SH2D3C: variants seen among roughly 807,000 people sequenced by gnomAD.
SH2D3C encodes SH2 domain-containing protein 3C.
Under a neutral mutation model 75.2 loss-of-function variants are expected in SH2D3C, and 25 were observed. The ratio of observed to expected loss-of-function variants is 0.33; its 90% CI spans 0.24 to 0.46. The LOEUF (loss-of-function observed/expected upper bound fraction) is 0.46. Ranked by LOEUF, SH2D3C falls within the 20% of genes least tolerant of loss-of-function variation. The pLI is 1.00. For missense variants in SH2D3C, 933 were observed against 1,165.3 expected (o/e 0.80, Z 2.90); for synonymous variants, 450 against 473.7 (o/e 0.95, Z 0.65).
At position 127,754,981 on chromosome 9, in the gene SH2D3C, C is replaced by T; in HGVS notation, c.556-3681G>A. On this transcript the variant is annotated intron_variant, in intron 3 of 11. Transcript: ENST00000314830. The surrounding 1 kb of genome is among the most constrained non-coding windows in gnomAD (Gnocchi z 4.4). ...AGCCCAGCCCGACCCTGCCGGGCGC[C>T]GCTGAGCTGCAGCTCCCCGGCTGGC... 1.8e-6 allele frequency: 1 copy of T among 566,570 alleles called. No homozygotes were observed. Among genetic ancestry groups the T allele is most frequent in the Non-Finnish European group, 2.6e-6 (1 of 391,512 alleles). 35.1% of individuals were successfully genotyped at this position (566,570 alleles called of 1,614,324 possible).
At chr9:127,766,767 A>G in intron 2 of SH2D3C, 1 of 641,010 alleles carries the variant, frequency 1.6e-6, no homozygotes, top group South Asian at 2.0e-5. Flanking sequence ...ATGGGGTTTC[A>G]CCATGTTGGC....
intron 6 of SH2D3C, among the ~76,000 whole-genome samples, chr9:127,745,445 T>A (rs1339996710): frequency 6.8e-6 from 1 of 147,628 alleles, no homozygotes; most frequent in African/African-American, 2.5e-5. Flanking sequence ...GAATTAGCAA[T>A]AATGATTTCC....
At position 127,754,308 on chromosome 9, in the gene SH2D3C, C is replaced by T. The variant is rs1259349852; in HGVS notation, c.556-3008G>A. On this transcript the variant is annotated intron_variant, in intron 3 of 11. Transcript: ENST00000314830. The surrounding 1 kb of genome is among the most constrained non-coding windows in gnomAD (Gnocchi z 4.4). ...CCTGGGGGAGCGAAGAGCCGACGCG[C>T]CTGGCATCTCCCAGGGGGCTCAGGG... is the stretch of plus-strand genomic sequence containing the variant. Among the ~76,000 whole-genome samples the T allele has an allele frequency of 1.3e-5, 2 of 152,136 alleles. No individual in the cohort carries two copies. The highest frequency in any genetic ancestry group is 2.1e-4 in the South Asian group (1 of 4,834).
intron 2 of SH2D3C, among the ~76,000 whole-genome samples, chr9:127,770,513 C>G (rs1364786130): frequency 1.3e-5 from 2 of 152,102 alleles, no homozygotes; most frequent in Non-Finnish European, 2.9e-5. Context: ...AGGCTGCTCC[C>G]CTGACTCCAG....
Position 127,742,905 on chromosome 9 carries a change from G to A in SH2D3C, c.1860C>T (p.Gly620=), listed in dbSNP as rs746408761. Residue 620 remains glycine, a synonymous_variant, in exon 8 of 12, where the codon GGC becomes GGT. Transcript: ENST00000314830. ...EMQTLMGVRW[G]MELLTLPHGR... is the part of the protein sequence containing the mutation. ...CATGGGGGAGGGTGAGCAGTTCCATGCCCCAGCGGACTCCCATTAGGGTCT... is the reference window on the plus strand; with the variant it reads ...CATGGGGGAGGGTGAGCAGTTCCATACCCCAGCGGACTCCCATTAGGGTCT... 3 of 1,614,042 alleles carry A rather than the reference G, an allele frequency of 1.9e-6. No individual in the cohort carries two copies. The highest frequency in any genetic ancestry group is 2.5e-6 in the Non-Finnish European group (3 of 1,179,966).
intron 3 of SH2D3C, among the ~76,000 whole-genome samples, chr9:127,757,712 G>A (rs559856525): frequency 1.5e-4 from 23 of 150,666 alleles, no homozygotes; most frequent in Admixed American, 4.0e-4. Context: ...GGAGTGCAGC[G>A]GCAAGATCTC....
At chr9:127,767,879 A>T (rs1349236235) in intron 2 of SH2D3C, among the ~76,000 whole-genome samples, 1 of 152,222 alleles carries the variant, frequency 6.6e-6, no homozygotes, top group East Asian at 1.9e-4. Context: ...CCTCTGAGCT[A>T]CTGCTGTACC....
At chr9:127,764,746 C>T (rs1473890456) in intron 2 of SH2D3C, among the ~76,000 whole-genome samples, 7 of 152,144 alleles carry the variant, frequency 4.6e-5, no homozygotes, top group Non-Finnish European at 7.3e-5. Flanking sequence ...CTCGCTCCAT[C>T]GCCCAGGCTG....
intron 3 of SH2D3C, chr9:127,755,141 G>A: frequency 1.6e-6 from 2 of 1,220,152 alleles, no homozygotes; most frequent in Non-Finnish European, 2.0e-6. Flanking sequence ...GCACTCCACA[G>A]GCTGCACCGC....
rs1263057411 is a variant in SH2D3C, at chr9:127,739,851, C to T, written c.2238G>A (p.Val746=). Residue 746 remains valine (V), a synonymous_variant, in exon 11 of 12, where the codon GTG becomes GTA. Transcript: ENST00000314830. The surrounding 1 kb of genome is among the most constrained non-coding windows in gnomAD (Gnocchi z 4.3). Reference sequence around the variant, plus strand: ...ACTCCAGCAGGGTGATGAGGGGCAGCACATGAGGAAACGTGGTGTTGCTCA... The same window carrying T: ...ACTCCAGCAGGGTGATGAGGGGCAGTACATGAGGAAACGTGGTGTTGCTCA... ...PPLSNTTFPH[V]LPLITLLECD... The T allele has an allele frequency of 2.6e-6, 4 of 1,564,600 alleles. No homozygotes were observed. The Admixed American group carries it at 7.5e-5, about 29-fold the overall frequency.
intron 2 of SH2D3C, among the ~76,000 whole-genome samples, chr9:127,764,203 A>C (rs1241467312): frequency 6.6e-6 from 1 of 152,148 alleles, no homozygotes; most frequent in African/African-American, 2.4e-5. Flanking sequence ...GCCAGAGCCT[A>C]TAGGGGTGCT....
chr9:127,756,965 T>C (rs1845399234), intron 3 of SH2D3C, among the ~76,000 whole-genome samples: 1 of 152,080 alleles, frequency 6.6e-6, no homozygotes, highest in Non-Finnish European at 1.5e-5. Flanking sequence ...GTTTTGTTCT[T>C]GTTGCCCAGG....
Position 127,751,169 on chromosome 9 carries a change from C to T in SH2D3C, c.684+3G>A. The stretch of plus-strand genomic sequence containing the variant: ...GTTGAAGTCCAGCTCGGGGCCTACT[C>T]ACCTCTCGGGGGATGCGGCCATGGT... On this transcript the variant is annotated splice_donor_region_variant and intron_variant, in intron 4 of 11. Coordinates refer to ENST00000314830, the MANE Select transcript of SH2D3C (RefSeq NM_170600.3). This position sits in a 1 kb window ranked among gnomAD's most constrained non-coding sequence, Gnocchi z 4.1. 6.2e-7 allele frequency: 1 copy of T among 1,613,574 alleles called. No individual in the cohort carries two copies. The highest frequency in any genetic ancestry group is 8.5e-7 in the Non-Finnish European group (1 of 1,179,960).
chr9:127,766,320 C>A (rs1489322974), intron 2 of SH2D3C, among the ~76,000 whole-genome samples: 1 of 152,228 alleles, frequency 6.6e-6, no homozygotes, highest in African/African-American at 2.4e-5. Flanking sequence ...TTCAGCTTTT[C>A]CCCTGCCCCT....
At chr9:127,762,211 T>C (rs1845545307) in intron 2 of SH2D3C, 1 of 1,198,018 alleles carries the variant, frequency 8.3e-7, no homozygotes, top group African/African-American at 1.6e-5. Flanking sequence ...GGCTACAGAA[T>C]TGATTCTGCC....
intron 2 of SH2D3C, among the ~76,000 whole-genome samples, chr9:127,766,125 A>G (rs1475046562): frequency 6.6e-6 from 1 of 152,194 alleles, no homozygotes; most frequent in African/African-American, 2.4e-5. Flanking sequence ...ACGTTCCCCC[A>G]GGGGCCCTGT....
intron 4 of SH2D3C, among the ~76,000 whole-genome samples, chr9:127,750,565 G>A (rs4837179): frequency 0.11 from 16,033 of 152,142 alleles, 1,564 homozygotes; most frequent in African/African-American, 0.26. Flanking sequence ...TCTTCCACTA[G>A]GCTCTGACTG....
intron 3 of SH2D3C, among the ~76,000 whole-genome samples, chr9:127,760,380 C>T (rs1428367737): frequency 6.6e-6 from 1 of 152,030 alleles, no homozygotes; most frequent in African/African-American, 2.4e-5. Context: ...GGTGTAATCC[C>T]AGTTCTTCCT....
chr9:127,766,790 G>A, intron 2 of SH2D3C: 1 of 737,220 alleles, frequency 1.4e-6, no homozygotes, highest in South Asian at 1.9e-5. Context: ...GGCTGGTCTT[G>A]AACTCCTGGC....
Sources: allele counts gnomAD v4.1 joint callset (sites outside exome capture counted in the v4.1 genomes callset), GRCh38; gene constraint gnomAD v4.1.1; non-coding constraint Gnocchi (gnomAD v3.1); transcripts MANE v1.5; gene names NCBI Gene and HGNC (gene_info 2026-07-23, HGNC 2026-07-21).